TARBP1: variants seen among roughly 807,000 people sequenced by gnomAD.
TARBP1 encodes the protein tRNA guanosine 2 -O-methyltransferase TARBP1.
In TARBP1, 144 loss-of-function variants were observed where a neutral mutation model predicts 178.6. The ratio of observed to expected loss-of-function variants is 0.81; its 90% CI spans 0.70 to 0.93. The LOEUF (loss-of-function observed/expected upper bound fraction) is 0.93, where lower values mean the gene tolerates loss of function less well. Among genes scored for constraint, TARBP1 ranks in the 40% least tolerant of loss-of-function variants. The probability of loss-of-function intolerance (pLI) is 0.00; values close to 1 mark genes in which losing one functional copy is unlikely to be tolerated. For missense variants in TARBP1, 2,067 were observed against 2,011.7 expected, an observed-to-expected ratio of 1.03 and a Z score of -0.53; for synonymous variants, 787 against 781.0, an observed-to-expected ratio of 1.01 and a Z score of -0.13.
At chr1:234,457,840 A>G (rs1048535818) in intron 8 of TARBP1, 84 bp from the exon 9 acceptor site, 2 of 879,370 alleles carry the variant, frequency 2.3e-6, no homozygotes, top group Non-Finnish European at 3.6e-6. Context: ...AAGGCAATCA[A>G]TTCTACTACT....
At position 234,459,554 on chromosome 1, in the gene TARBP1, C is replaced by G. The variant is rs507202; in HGVS notation, c.1536-228G>C. 0.37 allele frequency among the ~76,000 whole-genome samples: 55,565 copies of G among 151,728 alleles called. 10,720 individuals carry two copies. The highest frequency in any genetic ancestry group is 0.51 in the African/African-American group (20,983 of 41,336). On this transcript the variant is annotated intron_variant, in intron 7 of 29. Coordinates refer to ENST00000040877, the MANE Select transcript of TARBP1 (RefSeq NM_005646.4). ...AGGCCGGGCGCAGTGGCTCACACCT[C>G]TAATCCCACAACTTTGAGAGATTGA... is the stretch of plus-strand genomic sequence containing the variant.
At chr1:234,471,629 C>T (rs6697268) in intron 2 of TARBP1, among the ~76,000 whole-genome samples, 20,186 of 152,120 alleles carry the variant, frequency 0.13, 1,758 homozygotes, top group African/African-American at 0.26. Flanking sequence ...TGGCTGCACA[C>T]GCTTAGAACG....
At chr1:234,406,275 T>C in intron 23 of TARBP1, 176 bp from the exon 24 acceptor site, 2 of 597,584 alleles carry the variant, frequency 3.3e-6, no homozygotes, top group South Asian at 4.5e-5. Flanking sequence ...TGCACAGGCA[T>C]TTGCAATTTA....
At chr1:234,449,774 G>A (rs1475803934) in intron 10 of TARBP1, among the ~76,000 whole-genome samples, 1 of 152,180 alleles carries the variant, frequency 6.6e-6, no homozygotes, top group East Asian at 1.9e-4. Context: ...TTTAAGACAT[G>A]TTAAATTCGA....
rs4920246 is a variant in TARBP1 at position 234,446,905 on chromosome 1, T to A, written c.2032A>T (p.Ser678Cys). 2 of 1,613,634 alleles carry A rather than the reference T, an allele frequency of 1.2e-6. No individual in the cohort carries two copies. The highest frequency in any genetic ancestry group is 1.7e-6 in the Non-Finnish European group (2 of 1,179,908). The change falls in exon 12 of 30, where the codon AGT becomes TGT. Residue 678 changes from serine (S) to cysteine (C), a missense_variant. Ser to Cys is a moderately radical substitution (Grantham distance 112). Coordinates refer to ENST00000040877, the MANE Select transcript of TARBP1 (RefSeq NM_005646.4). ...DPLLDVLMKF[S>C]TNAYMPLLKT... is the part of the protein sequence containing the mutation. ...AGCAAGGGCATGTAGGCATTGGTAC[T>A]AAACTTCATAAGCACATCCAGAAGA... is the stretch of plus-strand genomic sequence containing the variant.
At chr1:234,442,390 C>T (rs1665688895) in intron 12 of TARBP1, among the ~76,000 whole-genome samples, 1 of 152,138 alleles carries the variant, frequency 6.6e-6, no homozygotes, top group African/African-American at 2.4e-5. Flanking sequence ...TCATAAAATG[C>T]TGTATCTATC....
rs1324066147 is a variant in TARBP1 at position 234,451,666 on chromosome 1, G to A, written c.1723-1100C>T. On this transcript the variant is annotated intron_variant, in intron 9 of 29. Coordinates refer to ENST00000040877, the MANE Select transcript of TARBP1 (RefSeq NM_005646.4). Reference sequence around the variant, plus strand: ...TGGGAGGCTGAGGCAGGAGAATGGCGTGAACCCGGGAGGCGGAGCTTGCAG... The same window carrying A: ...TGGGAGGCTGAGGCAGGAGAATGGCATGAACCCGGGAGGCGGAGCTTGCAG... 4.1e-5 allele frequency among the ~76,000 whole-genome samples: 3 copies of A among 73,946 alleles called. 1 individual carries two copies. The highest frequency in any genetic ancestry group is 4.2e-4 in the East Asian group (1 of 2,400). The allele number at this position is 73,946 out of a possible 152,430, so 48.5% of individuals were successfully genotyped here.
chr1:234,468,587 C>T (rs1668698737), intron 3 of TARBP1, among the ~76,000 whole-genome samples: 1 of 152,218 alleles, frequency 6.6e-6, no homozygotes, highest in South Asian at 2.1e-4. Flanking sequence ...CAATTCTTCT[C>T]TTATCCCACT....
intron 11 of TARBP1, among the ~76,000 whole-genome samples, chr1:234,448,210 A>T (rs1666381598): frequency 6.6e-6 from 1 of 152,240 alleles, no homozygotes; most frequent in Admixed American, 6.5e-5. Context: ...AAGTGCTGGG[A>T]TTACAGGCAT....
In TARBP1 at chr1:234,398,499, T is replaced by G. The variant is rs369247503; in HGVS notation, c.4126A>C (p.Thr1376Pro). The G allele has an allele frequency of 5.0e-6, 8 of 1,610,298 alleles. No individual in the cohort carries two copies. The African/African-American group carries it at 1.1e-4, about 22-fold the overall frequency. Residue 1376 changes from threonine (T) to proline (P), a missense_variant, in exon 26 of 30, where the codon ACC becomes CCC. Thr to Pro is a conservative substitution (Grantham distance 38, BLOSUM62 -1). Coordinates refer to ENST00000040877, the MANE Select transcript of TARBP1 (RefSeq NM_005646.4). ...GTGAATCTGGTAAATTTATCAATGG[T>G]GATCCATTCATCTTCAATAAGGCCT... ...LSGLIEDEWI[T>P]IDKFTRFTDV...
chr1:234,473,505 A>C (rs1450580503), intron 1 of TARBP1, among the ~76,000 whole-genome samples: 1 of 152,210 alleles, frequency 6.6e-6, no homozygotes, highest in Non-Finnish European at 1.5e-5. Context: ...ACATGTGTGC[A>C]CCCTGGGTGC....
intron 12 of TARBP1, among the ~76,000 whole-genome samples, chr1:234,443,231 G>A (rs1230166808): frequency 2.0e-5 from 3 of 151,226 alleles, no homozygotes; most frequent in Non-Finnish European, 2.9e-5. Flanking sequence ...CAAAGGTTGC[G>A]GTGAGCCAAG....
At chr1:234,401,291 C>T in intron 24 of TARBP1, 29 bp from the exon 25 acceptor site, 1 of 1,559,490 alleles carries the variant, frequency 6.4e-7, no homozygotes, top group Non-Finnish European at 8.8e-7. Flanking sequence ...GTATGAGCCA[C>T]AGACAAATGA....
chr1:234,428,501 T>C (rs534394828), intron 17 of TARBP1, among the ~76,000 whole-genome samples: 3 of 152,112 alleles, frequency 2.0e-5, no homozygotes, highest in Non-Finnish European at 4.4e-5. Context: ...CCAGTGTTGC[T>C]AGATTACCTC....
intron 12 of TARBP1, among the ~76,000 whole-genome samples, chr1:234,438,217 T>C (rs1665232707): frequency 6.6e-6 from 1 of 152,156 alleles, no homozygotes; most frequent in African/African-American, 2.4e-5. Context: ...TTTCATATTA[T>C]AATATTCAAA....
At position 234,444,476 on chromosome 1, in the gene TARBP1, TG is replaced by T. The variant is rs142767800; in HGVS notation, c.2134+2326del. On this transcript the variant is annotated intron_variant, in intron 12 of 29. Coordinates refer to ENST00000040877, the MANE Select transcript of TARBP1 (RefSeq NM_005646.4). ...TCTCATCTGATTAGGCACAGTAAAG[TG>T]GTATTGCACATCACAGGCTGGAGGA... Among the ~76,000 whole-genome samples, 540 of 152,278 alleles carry T rather than the reference TG, an allele frequency of 3.5e-3. 3 individuals carry two copies. Among genetic ancestry groups the T allele is most frequent in the African/African-American group, 0.012 (513 of 41,560 alleles).
At position 234,430,259 on chromosome 1, in the gene TARBP1, C is replaced by T. The variant is rs772096106; in HGVS notation, c.2437G>A (p.Ala813Thr). ...GSQIQRVVSM[A>T]ALAMVCEAID... The stretch of plus-strand genomic sequence containing the variant: ...GCCTCACACACCATGGCCAAGGCAG[C>T]CATGCTCACTACTCTCTGAATCTGA... Residue 813 changes from alanine (A) to threonine (T), a missense_variant, in exon 15 of 30, where the codon GCT becomes ACT. Physicochemically the swap from Ala to Thr is moderately conservative, Grantham distance 58. Coordinates refer to ENST00000040877, the MANE Select transcript of TARBP1 (RefSeq NM_005646.4). The T allele has an allele frequency of 2.5e-6, 4 of 1,614,090 alleles. No homozygotes were observed. The highest frequency in any genetic ancestry group is 3.4e-6 in the Non-Finnish European group (4 of 1,180,026).
At chr1:234,405,575 G>A (rs921533901) in intron 24 of TARBP1, 5 of 240,280 alleles carry the variant, frequency 2.1e-5, no homozygotes, top group Non-Finnish European at 4.0e-5. Context: ...AAGTCAGGTC[G>A]TGCCACTTCT....
Position 234,393,418 on chromosome 1 carries a change from C to A in TARBP1, c.4504G>T (p.Asp1502Tyr). The change falls in exon 28 of 30, where the codon GAC becomes TAC. Residue 1502 changes from aspartate to tyrosine, a missense_variant. Physicochemically the swap from Asp to Tyr is radical, Grantham distance 160. Coordinates refer to ENST00000040877, the MANE Select transcript of TARBP1 (RefSeq NM_005646.4). Reference protein sequence around the residue: ...LVVGSLQCISDKQFQHLSVSA... With the variant: ...LVVGSLQCISYKQFQHLSVSA... Reference sequence around the variant, plus strand: ...ACACTGAGGTGCTGAAACTGTTTGTCGCTGATACACTGAAGGCTGCCAACA... The same window carrying A: ...ACACTGAGGTGCTGAAACTGTTTGTAGCTGATACACTGAAGGCTGCCAACA... The A allele has an allele frequency of 6.2e-7, 1 of 1,609,512 alleles. No individual in the cohort carries two copies. The highest frequency in any genetic ancestry group is 1.1e-5 in the South Asian group (1 of 90,518).
Sources: allele counts gnomAD v4.1 joint callset (sites outside exome capture counted in the v4.1 genomes callset), GRCh38; gene constraint gnomAD v4.1.1; transcripts MANE v1.5; gene names NCBI Gene and HGNC (gene_info 2026-07-23, HGNC 2026-07-21).